The following IFT70A variants were observed in gnomAD, a reference collection of about 807,000 sequenced individuals.
IFT70A encodes intraflagellar transport 70A.
At chr2:177,615,567 C>A in the IFT70A span, 1 of 152,060 alleles carries the variant, frequency 6.6e-6, no homozygotes, top group African/African-American at 2.4e-5. Context: ...CCAACAATAA[C>A]AATCACTTAC....
At chr2:177,615,544 A>T in the IFT70A span, 1 of 152,196 alleles carries the variant, frequency 6.6e-6, no homozygotes, top group South Asian at 2.1e-4. Context: ...CTTATTAATA[A>T]TCAGTATAAC....
chr2:177,617,667 T>TGACA, the IFT70A span: 1 of 1,614,168 alleles, frequency 6.2e-7, no homozygotes, highest in South Asian at 1.1e-5. Flanking sequence ...AATGGGCATT[T>TGACA]TCTGCCAGGA....
the IFT70A span, chr2:177,615,047 C>T: frequency 6.6e-6 from 1 of 152,176 alleles, no homozygotes; most frequent in Non-Finnish European, 1.5e-5. Flanking sequence ...TCCATTACTT[C>T]TGTTCTGTTA....
chr2:177,615,822 T>C, the IFT70A span: 3 of 152,144 alleles, frequency 2.0e-5, no homozygotes, highest in African/African-American at 7.2e-5. Flanking sequence ...AATTAGAAGG[T>C]ATGGAACTCA....
At chr2:177,615,690 G>A in the IFT70A span, 1 of 151,974 alleles carries the variant, frequency 6.6e-6, no homozygotes. Context: ...AAAAAGAAAG[G>A]CAACTTTTTT....
chr2:177,616,006 C>A, the IFT70A span: 1 of 152,114 alleles, frequency 6.6e-6, no homozygotes, highest in Middle Eastern at 3.4e-3. Flanking sequence ...AAAAATAGAA[C>A]ATGAAGAAAA....
the IFT70A span, chr2:177,616,595 G>C: frequency 9.6e-7 from 1 of 1,043,270 alleles, no homozygotes; most frequent in African/African-American, 1.6e-5. Context: ...CTTACAAAGT[G>C]GATAAGATTC....
At chr2:177,613,026 T>A in the IFT70A span, 1 of 152,252 alleles carries the variant, frequency 6.6e-6, no homozygotes, top group African/African-American at 2.4e-5. Flanking sequence ...TACATGATTA[T>A]TTCCAGAACC....
the IFT70A span, chr2:177,618,484 T>C: frequency 6.3e-7 from 1 of 1,587,170 alleles, no homozygotes; most frequent in Non-Finnish European, 8.6e-7. Context: ...CGGGTGCAGC[T>C]GGCCCAGCTG....
chr2:177,617,700 C>G, the IFT70A span: 2 of 1,614,184 alleles, frequency 1.2e-6, no homozygotes, highest in Non-Finnish European at 1.7e-6. Context: ...GGTCAAAATA[C>G]TCATATTTAC....
the IFT70A span, chr2:177,617,554 G>A: frequency 2.5e-6 from 4 of 1,614,098 alleles, no homozygotes; most frequent in Admixed American, 1.7e-5. Context: ...CAGCATCCCT[G>A]CTAGCCCATC....
chr2:177,617,201 G>C, the IFT70A span: 1 of 1,607,584 alleles, frequency 6.2e-7, no homozygotes, highest in Non-Finnish European at 8.5e-7. Flanking sequence ...AGATTAGCCA[G>C]TACAATAGCA....
At chr2:177,618,734 C>T in the IFT70A span, 4 of 1,513,968 alleles carry the variant, frequency 2.6e-6, no homozygotes, top group South Asian at 5.3e-5. Flanking sequence ...GCGGTTACCA[C>T]GGCAACAGGG....
At chr2:177,616,549 G>T in the IFT70A span, 177 of 635,690 alleles carry the variant, frequency 2.8e-4, no homozygotes, top group Non-Finnish European at 4.1e-4. Flanking sequence ...TACCCTTCTG[G>T]ATTAAATGAA....
the IFT70A span, chr2:177,615,286 A>C: frequency 1.3e-5 from 2 of 152,226 alleles, no homozygotes; most frequent in African/African-American, 4.8e-5. Context: ...ACAGCTTGTC[A>C]AACTACTGAA....
At chr2:177,613,484 ATATACAC>A in the IFT70A span, 1 of 152,310 alleles carries the variant, frequency 6.6e-6, no homozygotes, top group South Asian at 2.1e-4. Flanking sequence ...TCTCCTTTCC[ATATACAC>A]TATAGTGTAT....
At chr2:177,615,684 A>G in the IFT70A span, 6 of 152,300 alleles carry the variant, frequency 3.9e-5, no homozygotes, top group East Asian at 9.6e-4. Context: ...TCATAAAAAA[A>G]GAAAGGCAAC....
the IFT70A span, chr2:177,616,615 CAAATAT>C: frequency 5.1e-3 from 6,205 of 1,209,530 alleles, 31 homozygotes; most frequent in East Asian, 0.018. Context: ...CAAAATAAGA[CAAATAT>C]AAAGATGCCA....
At chr2:177,617,011 A>G in the IFT70A span, 2 of 1,613,670 alleles carry the variant, frequency 1.2e-6, 1 homozygote, top group South Asian at 2.2e-5. Context: ...AACTCGAGAA[A>G]TACCAAACTC....
Sources: allele counts gnomAD v4.1 joint callset, GRCh38; gene constraint gnomAD v4.1.1; transcripts MANE v1.5; gene names NCBI Gene and HGNC (gene_info 2026-07-23, HGNC 2026-07-21).